RNFT2: variants seen among roughly 807,000 people sequenced by gnomAD.
RNFT2 encodes E3 ubiquitin-protein ligase RNFT2.
In RNFT2, 36 loss-of-function variants were observed where a neutral mutation model predicts 53.0. The observed-to-expected ratio is 0.68, with a 90% confidence interval of 0.52 to 0.90. The LOEUF (loss-of-function observed/expected upper bound fraction) is 0.90, where lower values mean the gene tolerates loss of function less well. RNFT2 is among the 40% of genes least tolerant of loss of function. The pLI is 0.00. For missense variants in RNFT2, 514 were observed against 585.6 expected (o/e 0.88, Z 1.26); for synonymous variants, 260 against 253.2 (o/e 1.03, Z -0.26).
rs74948197 is a variant in RNFT2 at position 116,851,435 on chromosome 12, G to A, written c.*1987G>A. 1,906 of 356,008 alleles carry A rather than the reference G, an allele frequency of 5.4e-3. 38 individuals carry two copies. Among genetic ancestry groups the A allele is most frequent in the African/African-American group, 0.036 (1,760 of 48,492 alleles). The allele number at this position is 356,008 out of a possible 1,614,324, so 22.1% of individuals were successfully genotyped here. ...TCCAGGCATGGGGCCCAGCAGACAC[G>A]GTCTTCTAAAAGCACACGAGAGGCC... On this transcript the variant is annotated 3_prime_UTR_variant, in exon 11 of 11. Transcript: ENST00000257575.
chr12:116,771,711 C>T (rs984784209), intron 6 of RNFT2, among the ~76,000 whole-genome samples: 10 of 152,054 alleles, frequency 6.6e-5, no homozygotes, highest in African/African-American at 2.2e-4. Context: ...TGTGGGCACC[C>T]TCTTCTGTGA....
rs1254481018 is a variant in RNFT2 at position 116,746,346 on chromosome 12, T to G, written c.84-3495T>G. 2.6e-5 allele frequency among the ~76,000 whole-genome samples: 4 copies of G among 152,132 alleles called. No individual in the cohort carries two copies. The South Asian group carries it at 8.3e-4, about 32-fold the overall frequency. ...CAGTGGGGTCGGGGCACCTGTCTTTTGCAAAAGCTCCCCCAAGTGATTATA... is the reference window on the plus strand; with the variant it reads ...CAGTGGGGTCGGGGCACCTGTCTTTGGCAAAAGCTCCCCCAAGTGATTATA... On this transcript the variant is annotated intron_variant, in intron 3 of 10. Coordinates refer to ENST00000257575, the MANE Select transcript of RNFT2 (RefSeq NM_001382266.1).
At position 116,753,862 on chromosome 12, in the gene RNFT2, TTC is replaced by T. The variant is rs901262991; in HGVS notation, c.551-114_551-113del. ...CCAAGAAGTGGGATTTTTTTTATTT[TTC>T]TCTCTCTTCTGTCAACTCTGAGGGG... On this transcript the variant is annotated intron_variant, in intron 4 of 10. Transcript: ENST00000257575. 5.7e-6 allele frequency: 4 copies of T among 697,432 alleles called. No homozygotes were observed. In the Admixed American group the frequency reaches 1.1e-4, roughly 19 times the overall value. 43.2% of individuals were successfully genotyped at this position (697,432 alleles called of 1,614,324 possible).
intron 7 of RNFT2, among the ~76,000 whole-genome samples, chr12:116,785,408 T>C (rs1873894594): frequency 6.6e-6 from 1 of 152,072 alleles, no homozygotes; most frequent in South Asian, 2.1e-4. Context: ...TCCTCCCAGC[T>C]CAGCCTCCTG....
In RNFT2 at chr12:116,832,148, A is replaced by AATATATATATATATAT. The variant is rs1555209703; in HGVS notation, c.883-1637_883-1622dup. Among the ~76,000 whole-genome samples, 8 of 55,170 alleles carry AATATATATATATATAT rather than the reference A, an allele frequency of 1.5e-4. 1 individual carries two copies. The highest frequency in any genetic ancestry group is 3.5e-4 in the African/African-American group (5 of 14,280). 36.2% of individuals were successfully genotyped at this position (55,170 alleles called of 152,430 possible). ...CTTGTCTCAAAAAAAAAAAAAAAAAAATATATATATATATATATATATCTT... is the reference window on the plus strand; with the variant it reads ...CTTGTCTCAAAAAAAAAAAAAAAAAAATATATATATATATATATATATATATATATATATATATCTT... On this transcript the variant is annotated intron_variant, in intron 7 of 10. Coordinates refer to ENST00000257575, the MANE Select transcript of RNFT2 (RefSeq NM_001382266.1).
intron 7 of RNFT2, among the ~76,000 whole-genome samples, chr12:116,780,758 C>T (rs1873660289): frequency 6.6e-6 from 1 of 152,082 alleles, no homozygotes; most frequent in South Asian, 2.1e-4. Context: ...CATTGACCCT[C>T]CCCAAGACCA....
chr12:116,748,751 C>A, intron 3 of RNFT2: 1 of 424,046 alleles, frequency 2.4e-6, no homozygotes, highest in Non-Finnish European at 4.7e-6. Flanking sequence ...CGAGGTAATT[C>A]TAGAATCATA....
intron 4 of RNFT2, among the ~76,000 whole-genome samples, chr12:116,751,652 C>T (rs966290861): frequency 1.3e-5 from 2 of 151,800 alleles, no homozygotes; most frequent in Non-Finnish European, 2.9e-5. Context: ...CCATCCGCCT[C>T]AGCCTCCCAA....
At chr12:116,795,255 A>C (rs1186193559) in intron 7 of RNFT2, among the ~76,000 whole-genome samples, 1 of 151,982 alleles carries the variant, frequency 6.6e-6, no homozygotes, top group Non-Finnish European at 1.5e-5. Context: ...TAAAAATACA[A>C]AAATTAGCCG....
chr12:116,755,904 C>A (rs1424096167), intron 5 of RNFT2: 1 of 1,291,484 alleles, frequency 7.7e-7, no homozygotes, highest in Non-Finnish European at 1.1e-6. Context: ...ATGGCAGTTC[C>A]GGCTGAAAGG....
intron 7 of RNFT2, among the ~76,000 whole-genome samples, chr12:116,824,071 A>G (rs535376996): frequency 1.6e-4 from 25 of 152,192 alleles, no homozygotes; most frequent in Non-Finnish European, 2.9e-4. Context: ...AGGCAGAGCT[A>G]GGATCTGCAC....
rs576354578 is a variant in RNFT2, at chr12:116,778,262, G to A, written c.729-933G>A. On this transcript the variant is annotated intron_variant, in intron 6 of 10. Coordinates refer to ENST00000257575, the MANE Select transcript of RNFT2 (RefSeq NM_001382266.1). ...TTGAAATTTGATCCCCAATGATGTTGGGAGGTGGGGCCTAGCAGAAGGTGT... is the reference window on the plus strand; with the variant it reads ...TTGAAATTTGATCCCCAATGATGTTAGGAGGTGGGGCCTAGCAGAAGGTGT... Among the ~76,000 whole-genome samples the A allele has an allele frequency of 3.9e-5, 6 of 152,312 alleles. No individual in the cohort carries two copies. In the South Asian group the frequency reaches 1.0e-3, roughly 26 times the overall value.
chr12:116,816,361 A>C (rs1169173993), intron 7 of RNFT2, among the ~76,000 whole-genome samples: 1 of 152,070 alleles, frequency 6.6e-6, no homozygotes, highest in African/African-American at 2.4e-5. Flanking sequence ...ATTTTTACTC[A>C]CAGCCCAGCA....
chr12:116,740,812 A>G, intron 2 of RNFT2: 2 of 623,448 alleles, frequency 3.2e-6, no homozygotes, highest in Admixed American at 5.2e-5. Flanking sequence ...TCTGAGTCTC[A>G]TCGTCCTCCT....
chr12:116,851,709 C>A lies in RNFT2; in HGVS notation c.*2261C>A. ...TGAGCCGAGATTGCACCACAGCACTCCAACCTGGGTGACAGAGTGAGTGAG... is the reference window on the plus strand; with the variant it reads ...TGAGCCGAGATTGCACCACAGCACTACAACCTGGGTGACAGAGTGAGTGAG... On this transcript the variant is annotated 3_prime_UTR_variant, in exon 11 of 11. Transcript: ENST00000257575. 1 of 682,926 alleles carries A rather than the reference C, an allele frequency of 1.5e-6. No individual in the cohort carries two copies. Among genetic ancestry groups the A allele is most frequent in the Non-Finnish European group, 2.6e-6 (1 of 381,286 alleles). 42.3% of individuals were successfully genotyped at this position (682,926 alleles called of 1,614,324 possible). A position where few individuals can be genotyped will look rare whatever the true frequency, so the allele number is the denominator to read the frequency against.
At chr12:116,760,180 C>G (rs370562862) in intron 5 of RNFT2, among the ~76,000 whole-genome samples, 1 of 152,112 alleles carries the variant, frequency 6.6e-6, no homozygotes, top group African/African-American at 2.4e-5. Flanking sequence ...AACGAAGGGC[C>G]GGTCTCACTC....
In RNFT2 at chr12:116,773,386, C is replaced by G. The variant is rs552568874; in HGVS notation, c.729-5809C>G. On this transcript the variant is annotated intron_variant, in intron 6 of 10. Transcript: ENST00000257575. ...GGGAATTCTTCCTTTAGGCATTGTT[C>G]CATGCAGGGACTCAAACAATCCTAG... Among the ~76,000 whole-genome samples the G allele has an allele frequency of 2.0e-5, 3 of 152,296 alleles. No homozygotes were observed. The South Asian group carries it at 6.2e-4, about 32-fold the overall frequency.
intron 5 of RNFT2, among the ~76,000 whole-genome samples, chr12:116,761,735 A>G (rs972986773): frequency 6.6e-6 from 1 of 152,192 alleles, no homozygotes; most frequent in African/African-American, 2.4e-5. Context: ...TGATGGCATC[A>G]TGATTTGCAC....
rs149837806 is a variant in RNFT2 at position 116,785,972 on chromosome 12, A to C, written c.882+6624A>C. Among the ~76,000 whole-genome samples the C allele has an allele frequency of 2.1e-3, 326 of 152,214 alleles. 2 individuals are homozygous for C. Among genetic ancestry groups the C allele is most frequent in the African/African-American group, 7.6e-3 (316 of 41,542 alleles). On this transcript the variant is annotated intron_variant, in intron 7 of 10. Transcript: ENST00000257575. ...GAGGTTGAGGTGGGAAGATTGCTTG[A>C]GCCCAGGAGGCAGAGGTTGCAGTGA...
Sources: allele counts gnomAD v4.1 joint callset (sites outside exome capture counted in the v4.1 genomes callset), GRCh38; gene constraint gnomAD v4.1.1; transcripts MANE v1.5; gene names NCBI Gene and HGNC (gene_info 2026-07-23, HGNC 2026-07-21).